PTPRD: variants seen among roughly 807,000 people sequenced by gnomAD.
PTPRD encodes the protein protein tyrosine phosphatase receptor type D, also known as receptor-type tyrosine-protein phosphatase delta.
A neutral mutation model predicts 214.5 loss-of-function variants in PTPRD; 34 were observed. That is an observed-to-expected ratio of 0.16 (90% confidence interval 0.12 to 0.21). The LOEUF is 0.21. Ranked by LOEUF, PTPRD falls within the 10% of genes least tolerant of loss-of-function variation. The pLI, the probability that PTPRD is intolerant of heterozygous loss-of-function variation, is 1.00. For missense variants in PTPRD, 2,545 were observed against 2,398.7 expected, an observed-to-expected ratio of 1.06 and a Z score of -1.27; for synonymous variants, 1,128 against 845.7, an observed-to-expected ratio of 1.33 and a Z score of -5.79.
chr9:9,633,427 C>A (rs12378998), intron 7 of PTPRD, among the ~76,000 whole-genome samples: 1,750 of 152,064 alleles, frequency 0.012, 17 homozygotes, highest in Middle Eastern at 0.024. Context: ...AGAATTCAAA[C>A]GACTTCCAAA....
chr9:10,569,375 A>T (rs978688694), intron 2 of PTPRD, among the ~76,000 whole-genome samples: 5 of 152,062 alleles, frequency 3.3e-5, no homozygotes, highest in Non-Finnish European at 5.9e-5. Context: ...CCCGGTTAAC[A>T]TATCTATTTC....
chr9:8,346,805 G>T (rs2073952475), intron 39 of PTPRD, among the ~76,000 whole-genome samples: 1 of 152,136 alleles, frequency 6.6e-6, no homozygotes, highest in South Asian at 2.1e-4. Context: ...AGGAAAGAAA[G>T]AGAAATCGTA....
chr9:8,571,747 A>AG (rs2091213100), intron 14 of PTPRD, among the ~76,000 whole-genome samples: 1 of 152,082 alleles, frequency 6.6e-6, no homozygotes, highest in Non-Finnish European at 1.5e-5. Context: ...AACAGTTGTG[A>AG]TTTGTCCTTA....
intron 8 of PTPRD, among the ~76,000 whole-genome samples, chr9:9,453,026 T>TA (rs1555424252): frequency 1.3e-5 from 2 of 151,036 alleles, no homozygotes; most frequent in Non-Finnish European, 3.0e-5. Context: ...TTTTATTTTT[T>TA]TTTTTTGCTC....
intron 10 of PTPRD, among the ~76,000 whole-genome samples, chr9:9,019,273 AAAAG>A (rs1418174113): frequency 1.4e-5 from 2 of 141,360 alleles, no homozygotes; most frequent in Admixed American, 1.4e-4. Flanking sequence ...GAAAGAAAGA[AAAAG>A]AAAGAAGAAA....
At chr9:9,817,406 T>C (rs1264484691) in intron 5 of PTPRD, among the ~76,000 whole-genome samples, 1 of 152,140 alleles carries the variant, frequency 6.6e-6, no homozygotes, top group Non-Finnish European at 1.5e-5. Context: ...AAAGTGGAAG[T>C]AAGTTGGTTA....
intron 8 of PTPRD, among the ~76,000 whole-genome samples, chr9:9,520,527 C>T (rs77767059): frequency 0.021 from 3,225 of 152,108 alleles, 132 homozygotes; most frequent in African/African-American, 0.072. Context: ...AATACAGTGT[C>T]TTTTTTCTAC....
chr9:9,342,644 G>C (rs1229145529), intron 9 of PTPRD, among the ~76,000 whole-genome samples: 1 of 151,770 alleles, frequency 6.6e-6, no homozygotes, highest in Non-Finnish European at 1.5e-5. Context: ...TAAAATTGCT[G>C]TTGAACAAAA....
At chr9:10,035,388 G>A (rs979818769) in intron 3 of PTPRD, among the ~76,000 whole-genome samples, 2 of 151,814 alleles carry the variant, frequency 1.3e-5, no homozygotes, top group Non-Finnish European at 2.9e-5. Flanking sequence ...TCTGTAAGTC[G>A]TCTATCTGTT....
chr9:8,867,566 C>T (rs1391012294), intron 11 of PTPRD, among the ~76,000 whole-genome samples: 1 of 152,066 alleles, frequency 6.6e-6, no homozygotes, highest in Non-Finnish European at 1.5e-5. Flanking sequence ...AATCCTTGCA[C>T]CCACCGTTCT....
intron 10 of PTPRD, among the ~76,000 whole-genome samples, chr9:9,170,062 T>C (rs539663112): frequency 6.6e-6 from 1 of 152,298 alleles, no homozygotes; most frequent in East Asian, 1.9e-4. Flanking sequence ...ACTAAGCCCA[T>C]AAAGTTTTCC....
At chr9:8,405,275 G>T (rs566495366) in intron 35 of PTPRD, among the ~76,000 whole-genome samples, 1 of 152,100 alleles carries the variant, frequency 6.6e-6, no homozygotes, top group East Asian at 1.9e-4. Context: ...ATACTCAGAT[G>T]AATAAGATAC....
At chr9:9,015,798 T>G (rs2099532371) in intron 11 of PTPRD, among the ~76,000 whole-genome samples, 1 of 152,110 alleles carries the variant, frequency 6.6e-6, no homozygotes, top group African/African-American at 2.4e-5. Context: ...TCAATGTACA[T>G]TTGGATATAA....
chr9:10,306,284 G>GT (rs1326445979), intron 3 of PTPRD, among the ~76,000 whole-genome samples: 2 of 151,322 alleles, frequency 1.3e-5, no homozygotes, highest in African/African-American at 4.9e-5. Flanking sequence ...GGGTGGGGGG[G>GT]GCTAGGGGAG....
At chr9:9,126,774 G>A (rs1354422094) in intron 10 of PTPRD, among the ~76,000 whole-genome samples, 1 of 152,124 alleles carries the variant, frequency 6.6e-6, no homozygotes, top group Non-Finnish European at 1.5e-5. Context: ...GAATGCTTTT[G>A]TACTGCTTCA....
intron 2 of PTPRD, among the ~76,000 whole-genome samples, chr9:10,570,193 T>C (rs1359154238): frequency 6.6e-6 from 1 of 152,180 alleles, no homozygotes; most frequent in Non-Finnish European, 1.5e-5. Context: ...TGTTTTTGCA[T>C]TTGTTATCCA....
chr9:9,685,197 G>C (rs551541864), intron 7 of PTPRD, among the ~76,000 whole-genome samples: 2 of 151,006 alleles, frequency 1.3e-5, no homozygotes, highest in Admixed American at 1.3e-4. Flanking sequence ...AAAAGTTTCT[G>C]GCTCATGAGT....
chr9:9,142,073 A>G (rs907587149), intron 10 of PTPRD, among the ~76,000 whole-genome samples: 2 of 152,380 alleles, frequency 1.3e-5, no homozygotes, highest in African/African-American at 2.4e-5. Context: ...GAGTAATTCA[A>G]TGTGCCAGTC....
At chr9:8,385,159 A>C (rs1362249335) in intron 37 of PTPRD, among the ~76,000 whole-genome samples, 1 of 152,222 alleles carries the variant, frequency 6.6e-6, no homozygotes, top group Non-Finnish European at 1.5e-5. Flanking sequence ...CTTTTGTCTC[A>C]GTGAGCTGTT....
Sources: gnomAD v4.1 joint callset for allele counts (sites outside exome capture counted in the v4.1 genomes callset) on GRCh38, gnomAD v4.1.1 for gene constraint, MANE v1.5 for transcripts, NCBI Gene and HGNC (gene_info 2026-07-23, HGNC 2026-07-21) for gene names.